Variants in ZNF558 observed in about 807,000 individuals in gnomAD.
ZNF558 encodes zinc finger protein 558.
ZNF558 carries 23 observed loss-of-function variants against 37.6 expected under a neutral mutation model. That is an observed-to-expected ratio of 0.61 (90% confidence interval 0.44 to 0.87). The LOEUF (loss-of-function observed/expected upper bound fraction) is 0.87. ZNF558 is among the 40% of genes least tolerant of loss of function. The pLI is 0.00. For synonymous variants in ZNF558, 189 were observed against 174.4 expected, an observed-to-expected ratio of 1.08 and a Z score of -0.66; for missense variants, 429 against 483.7, an observed-to-expected ratio of 0.89 and a Z score of 1.06.
chr19:8,834,239 A>C (rs1002268923), upstream of ZNF558, among the ~76,000 whole-genome samples: 1 of 152,202 alleles, frequency 6.6e-6, no homozygotes, highest in Non-Finnish European at 1.5e-5. Flanking sequence ...AAAATTCAAT[A>C]TACTAGGAAA....
At position 8,829,411 on chromosome 19, in the gene ZNF558, C is replaced by G. The variant is rs533707584; in HGVS notation, c.-509+1907G>C. ...TAGACATCTGGTTTCACTGCACCAC[C>G]AGGTGAGCAGACCCCAGTTTGGTTC... On this transcript the variant is annotated intron_variant, in intron 2 of 9. Transcript: ENST00000601372. Among the ~76,000 whole-genome samples, 18 of 152,320 alleles carry G rather than the reference C, an allele frequency of 1.2e-4. 2 individuals are homozygous for G. The South Asian group carries it at 2.9e-3, about 25-fold the overall frequency.
chr19:8,815,659 C>T (rs1024307580), intron 7 of ZNF558, among the ~76,000 whole-genome samples: 1 of 151,972 alleles, frequency 6.6e-6, no homozygotes, highest in Non-Finnish European at 1.5e-5. Flanking sequence ...ATGCACGTCT[C>T]TAGCCATGCC....
Position 8,807,139 on chromosome 19 carries a change from C to G in ZNF558, c.*4142G>C, listed in dbSNP as rs1372294284. ...TGGATGAAGGAGAGTGAGGTCTGAC[C>G]CTGGCTATTTCCTGCAGGAGGACCT... On this transcript the variant is annotated 3_prime_UTR_variant, in exon 10 of 10. Coordinates refer to ENST00000601372, the MANE Select transcript of ZNF558 (RefSeq NM_144693.3). 1 of 152,042 alleles carries G rather than the reference C, an allele frequency of 6.6e-6. No individual in the cohort carries two copies. The highest frequency in any genetic ancestry group is 2.4e-5 in the African/African-American group (1 of 41,386). 9.4% of individuals were successfully genotyped at this position (152,042 alleles called of 1,614,324 possible). A position where few individuals can be genotyped will look rare whatever the true frequency, so the allele number is the denominator to read the frequency against.
rs1033891210 is a variant in ZNF558, at chr19:8,812,651, A to T, written c.344-8T>A. ...TAAGTAGAGTCTCCAAATCTGAAAC[A>T]AATTGAAAAGAAATTTAGGTTGATG... is the stretch of plus-strand genomic sequence containing the variant. On this transcript the variant is annotated splice_polypyrimidine_tract_variant and splice_region_variant and intron_variant, in intron 8 of 9. Transcript: ENST00000601372. The T allele has an allele frequency of 1.9e-6, 3 of 1,574,714 alleles. No individual in the cohort carries two copies. Among genetic ancestry groups the T allele is most frequent in the African/African-American group, 2.7e-5 (2 of 73,092 alleles).
rs782149195 is a variant in ZNF558 at position 8,811,778 on chromosome 19, A to G, written c.712T>C (p.Cys238Arg). Reference protein sequence around the residue: ...RIHTGEKPYECNQCFHVFRTS... With the variant: ...RIHTGEKPYERNQCFHVFRTS... The stretch of plus-strand genomic sequence containing the variant: ...CGGAAAACGTGAAAACACTGGTTAC[A>G]TTCATAGGGTTTTTCTCCAGTGTGA... Residue 238 changes from cysteine to arginine, a missense_variant, in exon 10 of 10, where the codon TGT (cysteine) becomes CGT (arginine). Cys to Arg is a radical substitution (Grantham distance 180). Transcript: ENST00000601372. 6.2e-7 allele frequency: 1 copy of G among 1,614,182 alleles called. No homozygotes were observed. The highest frequency in any genetic ancestry group is 1.1e-5 in the South Asian group (1 of 91,092).
chr19:8,815,011 G>A (rs1036316361), intron 7 of ZNF558, among the ~76,000 whole-genome samples: 1 of 151,838 alleles, frequency 6.6e-6, no homozygotes, highest in South Asian at 2.1e-4. Context: ...CTGGAGATGG[G>A]GAAAAGTCTG....
intron 2 of ZNF558, among the ~76,000 whole-genome samples, chr19:8,828,451 A>G (rs1331902509): frequency 6.6e-6 from 1 of 152,212 alleles, no homozygotes; most frequent in Non-Finnish European, 1.5e-5. Context: ...CACTTCTCCC[A>G]GCCAGTTAAC....
At chr19:8,814,450 C>A (rs903774418) in intron 7 of ZNF558, among the ~76,000 whole-genome samples, 27 of 152,120 alleles carry the variant, frequency 1.8e-4, no homozygotes, top group African/African-American at 6.5e-4. Flanking sequence ...ACAGTAGAAG[C>A]AAACAAAAGA....
In ZNF558 at chr19:8,826,922, A is replaced by G. The variant is rs574018639; in HGVS notation, c.-508-1814T>C. 6.1e-4 allele frequency among the ~76,000 whole-genome samples: 93 copies of G among 152,286 alleles called. 3 individuals carry two copies. The highest frequency in any genetic ancestry group is 5.2e-4 in the Admixed American group (8 of 15,288). ...AACTTCCCTACCCTCTACAGGGGGA[A>G]GTATCTCCTTTTTCCCCGTAACAGA... is the stretch of plus-strand genomic sequence containing the variant. On this transcript the variant is annotated intron_variant, in intron 2 of 9. Coordinates refer to ENST00000601372, the MANE Select transcript of ZNF558 (RefSeq NM_144693.3).
intron 8 of ZNF558, 51 bp downstream of exon 8, chr19:8,813,076 T>G (rs2043835627): frequency 7.0e-7 from 1 of 1,436,658 alleles, no homozygotes; most frequent in Non-Finnish European, 9.6e-7. Flanking sequence ...AACCCCCAAG[T>G]CACTGGCCAG....
At chr19:8,820,079 C>G (rs1227128821) in intron 7 of ZNF558, among the ~76,000 whole-genome samples, 1 of 152,074 alleles carries the variant, frequency 6.6e-6, no homozygotes, top group Admixed American at 6.5e-5. Context: ...AAATGCAAAT[C>G]AAAACAAGAA....
the ZNF558 span, among the ~76,000 whole-genome samples, chr19:8,837,422 T>C: frequency 6.6e-6 from 1 of 152,188 alleles, no homozygotes; most frequent in Non-Finnish European, 1.5e-5. Context: ...TCGGGATATA[T>C]TGTTAGATGT....
At position 8,822,227 on chromosome 19, in the gene ZNF558, A is replaced by G; in HGVS notation, c.32-136T>C. 1 of 1,019,054 alleles carries G rather than the reference A, an allele frequency of 9.8e-7. No individual in the cohort carries two copies. Among genetic ancestry groups the G allele is most frequent in the East Asian group, 2.6e-5 (1 of 38,342 alleles). 63.1% of individuals were successfully genotyped at this position (1,019,054 alleles called of 1,614,324 possible). ...GTGCCCACCTACGCTCCATGCAAAC[A>G]CCTACCCACAGCTCTCCTAAGATAC... is the stretch of plus-strand genomic sequence containing the variant. On this transcript the variant is annotated intron_variant, in intron 5 of 9. Transcript: ENST00000601372. The surrounding 1 kb of genome is among the most constrained non-coding windows in gnomAD (Gnocchi z 4.4).
At chr19:8,836,723 C>G (rs147416200), upstream of ZNF558, among the ~76,000 whole-genome samples, 2 of 152,156 alleles carry the variant, frequency 1.3e-5, no homozygotes, top group Non-Finnish European at 2.9e-5. Context: ...AACTCCTGAG[C>G]GCAAGCAATC....
chr19:8,826,949 C>G (rs1221410116), intron 2 of ZNF558, among the ~76,000 whole-genome samples: 2 of 152,128 alleles, frequency 1.3e-5, no homozygotes, highest in Non-Finnish European at 2.9e-5. Context: ...CGTAACAGAC[C>G]TAATGTGCAG....
Position 8,822,719 on chromosome 19 carries a change from A to G in ZNF558, c.-60T>C. On this transcript the variant is annotated 5_prime_UTR_variant, in exon 5 of 10. Transcript: ENST00000601372. This position sits in a 1 kb window ranked among gnomAD's most constrained non-coding sequence, Gnocchi z 4.4. ...GCAGGACGCTCCTCCTTTATCCCGC[A>G]GCGCTCTGGAAGAAACGGGAATGCT... is the stretch of plus-strand genomic sequence containing the variant. 1 of 1,613,504 alleles carries G rather than the reference A, an allele frequency of 6.2e-7. No homozygotes were observed. The highest frequency in any genetic ancestry group is 8.5e-7 in the Non-Finnish European group (1 of 1,179,836).
chr19:8,821,049 G>C (rs1000262306), intron 7 of ZNF558, 131 bp downstream of exon 7: 2 of 1,361,596 alleles, frequency 1.5e-6, no homozygotes, highest in African/African-American at 1.5e-5. Flanking sequence ...CACTGGACTG[G>C]ATATCTTAGA....
At chr19:8,827,414 G>C (rs1356618962) in intron 2 of ZNF558, among the ~76,000 whole-genome samples, 1 of 151,816 alleles carries the variant, frequency 6.6e-6, no homozygotes, top group Non-Finnish European at 1.5e-5. Context: ...TGAAGTCCTT[G>C]TTATCTGCAT....
chr19:8,836,135 C>T (rs1037486367), upstream of ZNF558, among the ~76,000 whole-genome samples: 4 of 152,064 alleles, frequency 2.6e-5, no homozygotes, highest in African/African-American at 9.7e-5. Flanking sequence ...AAAAACTGTA[C>T]ACTTTAAAAG....
Sources: allele counts gnomAD v4.1 joint callset (sites outside exome capture counted in the v4.1 genomes callset), GRCh38; gene constraint gnomAD v4.1.1; non-coding constraint Gnocchi (gnomAD v3.1); transcripts MANE v1.5; gene names NCBI Gene and HGNC (gene_info 2026-07-23, HGNC 2026-07-21).